The following ANGPT1 variants were observed in gnomAD, a reference collection of about 807,000 sequenced individuals.
The protein encoded by ANGPT1 is angiopoietin-1.
ANGPT1 carries 17 observed loss-of-function variants against 62.2 expected under a neutral mutation model. That is an observed-to-expected ratio of 0.27 (90% CI 0.19 to 0.41). The LOEUF is 0.41. ANGPT1 is among the 10% of genes least tolerant of loss of function. The pLI, the probability that ANGPT1 is intolerant of heterozygous loss-of-function variation, is 1.00. For synonymous variants in ANGPT1, 199 were observed against 198.9 expected (o/e 1.00, Z 0.00); for missense variants, 478 against 594.9 (o/e 0.80, Z 2.04).
Position 107,449,795 on chromosome 8 carries a change from T to A in ANGPT1, c.297+47467A>T, listed in dbSNP as rs1446366338. Among the ~76,000 whole-genome samples the A allele has an allele frequency of 2.0e-5, 3 of 152,242 alleles. No individual in the cohort carries two copies. In the East Asian group the frequency reaches 5.8e-4, roughly 29 times the overall value. On this transcript the variant is annotated intron_variant, in intron 1 of 8. Transcript: ENST00000517746. ...GTCTTCATTCTTTATACGTATTAACTCATAGAAATCTAATAACATTATGTG... is the reference window on the plus strand; with the variant it reads ...GTCTTCATTCTTTATACGTATTAACACATAGAAATCTAATAACATTATGTG...
At chr8:107,291,663 G>A (rs1464141796) in intron 6 of ANGPT1, among the ~76,000 whole-genome samples, 1 of 151,772 alleles carries the variant, frequency 6.6e-6, no homozygotes, top group Non-Finnish European at 1.5e-5. Context: ...CACCCACCTC[G>A]GCCTCCCAAA....
chr8:107,440,908 A>G (rs914756130), intron 1 of ANGPT1, among the ~76,000 whole-genome samples: 1 of 152,182 alleles, frequency 6.6e-6, no homozygotes, highest in Non-Finnish European at 1.5e-5. Context: ...GACACTCTAA[A>G]CTAGAGAAAA....
At chr8:107,303,161 G>A (rs747628593) in intron 5 of ANGPT1, 79 bp downstream of exon 5, 40 of 1,501,816 alleles carry the variant, frequency 2.7e-5, no homozygotes, top group Non-Finnish European at 3.4e-5. Flanking sequence ...AGTTTAACAA[G>A]CTCACAAATC....
Position 107,255,961 on chromosome 8 carries a change from T to C in ANGPT1, c.1337-3946A>G, listed in dbSNP as rs555517775. 1.3e-3 allele frequency among the ~76,000 whole-genome samples: 191 copies of C among 152,324 alleles called. 2 individuals are homozygous for C. The highest frequency in any genetic ancestry group is 2.1e-3 in the Non-Finnish European group (140 of 68,020). Reference sequence around the variant, plus strand: ...CTTAGTGGGGTTTATTAGAGAAATATGAAAATAATTAGACCCAAATAAGTA... The same window carrying C: ...CTTAGTGGGGTTTATTAGAGAAATACGAAAATAATTAGACCCAAATAAGTA... On this transcript the variant is annotated intron_variant, in intron 8 of 8. Coordinates refer to ENST00000517746, the MANE Select transcript of ANGPT1 (RefSeq NM_001146.5).
At chr8:107,325,857 G>C (rs1343466770) in intron 3 of ANGPT1, among the ~76,000 whole-genome samples, 1 of 152,052 alleles carries the variant, frequency 6.6e-6, no homozygotes, top group African/African-American at 2.4e-5. Context: ...TGTCAGTAAA[G>C]AAGGTGGGCT....
intron 6 of ANGPT1, among the ~76,000 whole-genome samples, chr8:107,288,222 A>G (rs1186486564): frequency 6.6e-6 from 1 of 152,200 alleles, no homozygotes; most frequent in Non-Finnish European, 1.5e-5. Context: ...TAATTATTAA[A>G]TAAGAAATTA....
intron 1 of ANGPT1, among the ~76,000 whole-genome samples, chr8:107,388,415 C>T (rs2130295826): frequency 6.9e-6 from 1 of 145,322 alleles, no homozygotes; most frequent in African/African-American, 2.5e-5. Flanking sequence ...ACCCCATTTC[C>T]AAATTATTTT....
chr8:107,492,594 C>CATTTGGCAAAAGCAAAACAGAT (rs1486136600), intron 1 of ANGPT1, among the ~76,000 whole-genome samples: 5 of 151,442 alleles, frequency 3.3e-5, no homozygotes, highest in South Asian at 2.1e-4. Flanking sequence ...GCCTTGGCGT[C>CATTTGGCAAAAGCAAAACAGAT]CCAAAGTGCT....
intron 7 of ANGPT1, among the ~76,000 whole-genome samples, chr8:107,279,775 G>T (rs1015439322): frequency 6.6e-6 from 1 of 151,842 alleles, no homozygotes; most frequent in Non-Finnish European, 1.5e-5. Flanking sequence ...AAAGGAAGGG[G>T]GGGGGAGAGA....
intron 1 of ANGPT1, among the ~76,000 whole-genome samples, chr8:107,372,361 A>C (rs566050137): frequency 6.6e-6 from 1 of 152,288 alleles, no homozygotes; most frequent in African/African-American, 2.4e-5. Flanking sequence ...TAATAAAGGG[A>C]TATAAGAAAA....
chr8:107,309,899 C>T (rs916045974), intron 4 of ANGPT1, among the ~76,000 whole-genome samples: 1 of 152,020 alleles, frequency 6.6e-6, no homozygotes, highest in African/African-American at 2.4e-5. Context: ...CTTAAATACT[C>T]TTAATTTGAA....
Position 107,318,656 on chromosome 8 carries a change from T to C in ANGPT1, c.808+3240A>G, listed in dbSNP as rs559184181. Among the ~76,000 whole-genome samples the C allele has an allele frequency of 3.2e-3, 492 of 152,298 alleles. 7 individuals carry two copies. The highest frequency in any genetic ancestry group is 0.011 in the African/African-American group (476 of 41,558). On this transcript the variant is annotated intron_variant, in intron 4 of 8. Transcript: ENST00000517746. Reference sequence around the variant, plus strand: ...AAATTAATTCATTTACTTGTTTATGTATGTATTTATTCTAGGCCCTCTATT... The same window carrying C: ...AAATTAATTCATTTACTTGTTTATGCATGTATTTATTCTAGGCCCTCTATT...
At position 107,257,870 on chromosome 8, in the gene ANGPT1, G is replaced by GTTTTTTTTTTTTTTTTTTTTT. The variant is rs750634420; in HGVS notation, c.1337-5856_1337-5855insAAAAAAAAAAAAAAAAAAAAA. 5.7e-4 allele frequency among the ~76,000 whole-genome samples: 26 copies of GTTTTTTTTTTTTTTTTTTTTT among 45,224 alleles called. 1 individual carries two copies. Among genetic ancestry groups the GTTTTTTTTTTTTTTTTTTTTT allele is most frequent in the Admixed American group, 7.6e-4 (3 of 3,950 alleles). 29.7% of individuals were successfully genotyped at this position (45,224 alleles called of 152,430 possible). On this transcript the variant is annotated intron_variant, in intron 8 of 8. Coordinates refer to ENST00000517746, the MANE Select transcript of ANGPT1 (RefSeq NM_001146.5). Reference sequence around the variant, plus strand: ...TATATCCTCTTCAGGCCAAGGACTTGTTTTTGTTTCTTTTTTGTTTGTTTG... The same window carrying GTTTTTTTTTTTTTTTTTTTTT: ...TATATCCTCTTCAGGCCAAGGACTTGTTTTTTTTTTTTTTTTTTTTTTTTTTGTTTCTTTTTTGTTTGTTTG...
chr8:107,257,755 C>T (rs1444071642), intron 8 of ANGPT1, among the ~76,000 whole-genome samples: 2 of 151,906 alleles, frequency 1.3e-5, no homozygotes, highest in Non-Finnish European at 2.9e-5. Flanking sequence ...TGGCCCTACG[C>T]AAAGCAAGCC....
chr8:107,476,945 T>A (rs1812548742), intron 1 of ANGPT1, among the ~76,000 whole-genome samples: 1 of 152,116 alleles, frequency 6.6e-6, no homozygotes, highest in Non-Finnish European at 1.5e-5. Context: ...TTTATCTGCT[T>A]GCTTATTTCT....
At chr8:107,267,715 C>T (rs1227246279) in intron 7 of ANGPT1, among the ~76,000 whole-genome samples, 2 of 152,008 alleles carry the variant, frequency 1.3e-5, no homozygotes, top group Admixed American at 6.6e-5. Context: ...AGATAAAGTC[C>T]AAATTTTTTA....
rs1902324 is a variant in ANGPT1, at chr8:107,478,271, G to A, written c.297+18991C>T. ...TATTCAAAAAAAAAAAAAATCTGCC[G>A]GGCGTGGTGGCTCATGCCTGTAATC... On this transcript the variant is annotated intron_variant, in intron 1 of 8. Transcript: ENST00000517746. 4.6e-5 allele frequency among the ~76,000 whole-genome samples: 7 copies of A among 150,540 alleles called. No individual in the cohort carries two copies. In the East Asian group the frequency reaches 9.7e-4, roughly 21 times the overall value.
At chr8:107,333,053 C>T (rs1261441690) in intron 3 of ANGPT1, among the ~76,000 whole-genome samples, 1 of 152,154 alleles carries the variant, frequency 6.6e-6, no homozygotes, top group Non-Finnish European at 1.5e-5. Flanking sequence ...TGGCAGAGCT[C>T]CCCTAATTCC....
chr8:107,477,799 A>G (rs1239832954), intron 1 of ANGPT1, among the ~76,000 whole-genome samples: 2 of 152,162 alleles, frequency 1.3e-5, no homozygotes, highest in Non-Finnish European at 2.9e-5. Flanking sequence ...TCCTTTGAAA[A>G]AAAAGAATAA....
Sources: gnomAD v4.1 joint callset for allele counts (sites outside exome capture counted in the v4.1 genomes callset) on GRCh38, gnomAD v4.1.1 for gene constraint, MANE v1.5 for transcripts, NCBI Gene and HGNC (gene_info 2026-07-23, HGNC 2026-07-21) for gene names.